ITCH: variants seen among roughly 807,000 people sequenced by gnomAD.
ITCH encodes E3 ubiquitin-protein ligase Itchy homolog.
ITCH carries 28 observed loss-of-function variants against 126.8 expected under a neutral mutation model. That is an observed-to-expected ratio of 0.22 (90% CI 0.16 to 0.30). The LOEUF (loss-of-function observed/expected upper bound fraction) is 0.30, where lower values mean the gene tolerates loss of function less well. Among genes scored for constraint, ITCH ranks in the 10% least tolerant of loss-of-function variants. ITCH has a pLI of 1.00. For synonymous variants in ITCH, 342 were observed against 340.0 expected, an observed-to-expected ratio of 1.01 and a Z score of -0.06; for missense variants, 631 against 1,032.4, an observed-to-expected ratio of 0.61 and a Z score of 5.33.
At chr20:34,380,306 T>A (rs949896836) in intron 2 of ITCH, among the ~76,000 whole-genome samples, 1 of 152,218 alleles carries the variant, frequency 6.6e-6, no homozygotes, top group African/African-American at 2.4e-5. Context: ...AGTAATTTTT[T>A]GAAGGACTGA....
At chr20:34,507,273 T>TG (rs1176300021) in intron 24 of ITCH, among the ~76,000 whole-genome samples, 19 of 82,902 alleles carry the variant, frequency 2.3e-4, no homozygotes, top group East Asian at 1.5e-3. Flanking sequence ...GTTTTTTTTT[T>TG]TTTTTTTTTT....
At chr20:34,381,075 A>G (rs761691745) in intron 2 of ITCH, among the ~76,000 whole-genome samples, 7 of 151,960 alleles carry the variant, frequency 4.6e-5, no homozygotes, top group Non-Finnish European at 1.0e-4. Flanking sequence ...GGTGTGAGCC[A>G]CTGCGCCTGT....
chr20:34,478,643 G>A (rs1330606020), intron 17 of ITCH, among the ~76,000 whole-genome samples: 1 of 152,174 alleles, frequency 6.6e-6, no homozygotes, highest in Non-Finnish European at 1.5e-5. Flanking sequence ...TTATTGTGAA[G>A]AGTAGAAATA....
chr20:34,430,438 A>G (rs544369642), intron 7 of ITCH, among the ~76,000 whole-genome samples: 1 of 151,964 alleles, frequency 6.6e-6, no homozygotes, highest in Admixed American at 6.6e-5. Context: ...TTTTTTTTAA[A>G]GGAAAGGAAT....
chr20:34,367,881 A>G (rs1186105678), intron 1 of ITCH, among the ~76,000 whole-genome samples: 3 of 152,192 alleles, frequency 2.0e-5, no homozygotes, highest in African/African-American at 7.2e-5. Context: ...AAGAAAAGGG[A>G]GATTTTTAGC....
At chr20:34,425,873 G>A (rs558894518) in intron 7 of ITCH, among the ~76,000 whole-genome samples, 3 of 152,322 alleles carry the variant, frequency 2.0e-5, no homozygotes, top group Admixed American at 6.5e-5. Context: ...GTTGAGCGCC[G>A]GTCTCCTGGG....
intron 7 of ITCH, among the ~76,000 whole-genome samples, chr20:34,430,770 G>A (rs181653053): frequency 1.3e-4 from 20 of 152,218 alleles, no homozygotes; most frequent in African/African-American, 4.3e-4. Flanking sequence ...GAGTCACCAC[G>A]CCCAGCCTAA....
intron 12 of ITCH, among the ~76,000 whole-genome samples, chr20:34,454,094 T>G (rs1294330218): frequency 3.3e-5 from 5 of 152,162 alleles, no homozygotes; most frequent in Admixed American, 1.3e-4. Flanking sequence ...TATCTTGCTG[T>G]TATGTTAACA....
At chr20:34,478,563 C>T (rs968763235) in intron 17 of ITCH, among the ~76,000 whole-genome samples, 4 of 152,066 alleles carry the variant, frequency 2.6e-5, no homozygotes. Flanking sequence ...TTTTTCTGCT[C>T]TCAATAGTGT....
At chr20:34,507,270 T>G (rs1271280335) in intron 24 of ITCH, among the ~76,000 whole-genome samples, 2 of 69,718 alleles carry the variant, frequency 2.9e-5, no homozygotes, top group South Asian at 6.0e-4. Context: ...TCTGTTTTTT[T>G]TTTTTTTTTT....
chr20:34,395,132 C>T (rs6142155), intron 3 of ITCH, among the ~76,000 whole-genome samples: 2 of 151,330 alleles, frequency 1.3e-5, no homozygotes, highest in Admixed American at 6.6e-5. Flanking sequence ...ACTTGGGAGG[C>T]TGAGGCAGGA....
chr20:34,445,114 C>G (rs1984275324), intron 10 of ITCH, among the ~76,000 whole-genome samples, 173 bp from the exon 11 acceptor site: 1 of 152,132 alleles, frequency 6.6e-6, no homozygotes, highest in Admixed American at 6.6e-5. Context: ...ATCTTATGAA[C>G]TTTCAAGAAA....
intron 14 of ITCH, chr20:34,466,201 GTTAATGTGGTATA>G (rs1987045521): frequency 3.3e-6 from 1 of 304,250 alleles, no homozygotes; most frequent in African/African-American, 2.2e-5. Context: ...CCCTCATTCT[GTTAATGTGGTATA>G]TTATGTTGAT....
chr20:34,378,574 TAAA>T (rs1383947768), intron 2 of ITCH, among the ~76,000 whole-genome samples: 2 of 151,574 alleles, frequency 1.3e-5, no homozygotes, highest in African/African-American at 4.8e-5. Flanking sequence ...ACTGGGCCTT[TAAA>T]AAAGTACAGA....
chr20:34,486,510 G>C (rs1989127505), intron 20 of ITCH, among the ~76,000 whole-genome samples: 1 of 151,766 alleles, frequency 6.6e-6, no homozygotes, highest in Non-Finnish European at 1.5e-5. Context: ...ATTTTTAGTA[G>C]AGACGGGGTT....
intron 7 of ITCH, among the ~76,000 whole-genome samples, chr20:34,436,898 GGGAGGATT>G (rs1411742792): frequency 1.3e-5 from 2 of 152,160 alleles, no homozygotes; most frequent in African/African-American, 4.8e-5. Context: ...AGGCCAAGGA[GGGAGGATT>G]GCTTGAGGTC....
chr20:34,429,415 G>T (rs1171998461), intron 7 of ITCH, among the ~76,000 whole-genome samples: 1 of 152,108 alleles, frequency 6.6e-6, no homozygotes, highest in East Asian at 1.9e-4. Flanking sequence ...ATTTTAGTAT[G>T]GCCCTGCTTC....
intron 3 of ITCH, 35 bp downstream of exon 3, chr20:34,393,916 T>G: frequency 6.4e-7 from 1 of 1,569,668 alleles, no homozygotes; most frequent in Non-Finnish European, 8.8e-7. Context: ...TTTACTTTAT[T>G]TTTCCCCGTA....
intron 7 of ITCH, among the ~76,000 whole-genome samples, chr20:34,437,419 C>T (rs1019636161): frequency 1.1e-4 from 16 of 152,322 alleles, no homozygotes; most frequent in African/African-American, 3.8e-4. Flanking sequence ...AATCCTCCCA[C>T]CTCAGCCTCC....
Sources: allele counts gnomAD v4.1 joint callset (sites outside exome capture counted in the v4.1 genomes callset), GRCh38; gene constraint gnomAD v4.1.1; transcripts MANE v1.5; gene names NCBI Gene and HGNC (gene_info 2026-07-23, HGNC 2026-07-21).